The following ZDHHC7 variants were observed in gnomAD, a reference collection of about 807,000 sequenced individuals.
ZDHHC7 encodes zDHHC palmitoyltransferase 7.
In ZDHHC7, 12 loss-of-function variants were observed where a neutral mutation model predicts 34.1. The ratio of observed to expected loss-of-function variants is 0.35; its 90% CI spans 0.23 to 0.57. The LOEUF (loss-of-function observed/expected upper bound fraction) is 0.57. ZDHHC7 is among the 20% of genes least tolerant of loss of function. ZDHHC7 has a pLI of 0.84. For synonymous variants in ZDHHC7, 185 were observed against 155.4 expected (o/e 1.19, Z -1.42); for missense variants, 388 against 402.7 (o/e 0.96, Z 0.31).
At chr16:85,013,985 G>A (rs1049240805), upstream of ZDHHC7, among the ~76,000 whole-genome samples, 1 of 152,282 alleles carries the variant, frequency 6.6e-6, no homozygotes, top group East Asian at 1.9e-4. Context: ...ACTGCACTCA[G>A]CCTAATTTGT....
intron 1 of ZDHHC7, among the ~76,000 whole-genome samples, chr16:85,004,485 C>A (rs2072692628): frequency 6.6e-6 from 1 of 152,092 alleles, no homozygotes; most frequent in Admixed American, 6.5e-5. Context: ...CACTCCCCTC[C>A]CTAAGCTCAT....
At position 84,990,609 on chromosome 16, in the gene ZDHHC7, A is replaced by C; in HGVS notation, c.10T>G (p.Ser4Ala). MQP[S>A]GHRLRDVEHH... Reference sequence around the variant, plus strand: ...TCGACGTCCCGGAGCCTGTGTCCTGATGGCTGCATGATTTCCCTGACGCAC... The same window carrying C: ...TCGACGTCCCGGAGCCTGTGTCCTGCTGGCTGCATGATTTCCCTGACGCAC... The change falls in exon 3 of 8, where the codon TCA becomes GCA. Residue 4 changes from serine (S) to alanine (A), a missense_variant. Coordinates refer to ENST00000313732, the MANE Select transcript of ZDHHC7 (RefSeq NM_017740.3). 1 of 1,613,216 alleles carries C rather than the reference A, an allele frequency of 6.2e-7. No individual in the cohort carries two copies. Among genetic ancestry groups the C allele is most frequent in the Non-Finnish European group, 8.5e-7 (1 of 1,179,490 alleles).
chr16:84,996,857 T>C (rs919972560), intron 1 of ZDHHC7, among the ~76,000 whole-genome samples: 4 of 152,146 alleles, frequency 2.6e-5, no homozygotes, highest in East Asian at 3.9e-4. Context: ...TGAAACCCCG[T>C]CGCTACTAAA....
At position 85,001,470 on chromosome 16, in the gene ZDHHC7, C is replaced by CAAAAAAAAA. The variant is rs71151261; in HGVS notation, c.-103-5472_-103-5464dup. 8.1e-4 allele frequency among the ~76,000 whole-genome samples: 77 copies of CAAAAAAAAA among 95,342 alleles called. No individual in the cohort carries two copies. The South Asian group carries it at 1.0e-2, about 12-fold the overall frequency. The allele number at this position is 95,342 out of a possible 152,430, so 62.5% of individuals were successfully genotyped here. ...TGGGCAAGAGAGCAAGACCCTGTCT[C>CAAAAAAAAA]AAAAAAAAAAAAAATTAAGTAAATG... On this transcript the variant is annotated intron_variant, in intron 1 of 7. Transcript: ENST00000313732.
chr16:85,008,715 A>G (rs927270001), intron 1 of ZDHHC7, among the ~76,000 whole-genome samples: 2 of 151,644 alleles, frequency 1.3e-5, no homozygotes, highest in Non-Finnish European at 2.9e-5. Context: ...AGTGAAAATG[A>G]CAGTTTTGAC....
chr16:85,002,680 T>A (rs1213861351), intron 1 of ZDHHC7, among the ~76,000 whole-genome samples: 1 of 151,550 alleles, frequency 6.6e-6, no homozygotes, highest in African/African-American at 2.4e-5. Flanking sequence ...GCTGAGGAAA[T>A]CTGAATCAAG....
At chr16:85,026,691 G>C in the ZDHHC7 span, among the ~76,000 whole-genome samples, 1 of 151,324 alleles carries the variant, frequency 6.6e-6, no homozygotes, top group Non-Finnish European at 1.5e-5. Flanking sequence ...TGTTTCTCCT[G>C]CATAACTCCC....
intron 3 of ZDHHC7, among the ~76,000 whole-genome samples, chr16:84,983,198 G>C (rs2072393078): frequency 6.6e-6 from 1 of 152,200 alleles, no homozygotes; most frequent in African/African-American, 2.4e-5. Context: ...CAGCAGTCAG[G>C]GCTGCAGTGA....
chr16:85,021,287 C>T, the ZDHHC7 span, among the ~76,000 whole-genome samples: 17 of 151,030 alleles, frequency 1.1e-4, no homozygotes, highest in African/African-American at 4.1e-4. Context: ...TGGCGCACAC[C>T]TTTAGTCCCA....
intron 2 of ZDHHC7, among the ~76,000 whole-genome samples, chr16:84,995,154 C>T (rs980678831): frequency 3.9e-5 from 6 of 152,200 alleles, no homozygotes; most frequent in Admixed American, 6.5e-5. Flanking sequence ...ACACTGGGCA[C>T]TCTCACACAG....
At chr16:85,004,164 T>C (rs2072687932) in intron 1 of ZDHHC7, among the ~76,000 whole-genome samples, 1 of 151,220 alleles carries the variant, frequency 6.6e-6, no homozygotes, top group Non-Finnish European at 1.5e-5. Context: ...CCCCACTCTT[T>C]CCCATCTCAA....
At chr16:84,998,717 A>C (rs941294380) in intron 1 of ZDHHC7, among the ~76,000 whole-genome samples, 1 of 149,388 alleles carries the variant, frequency 6.7e-6, no homozygotes, top group Non-Finnish European at 1.5e-5. Flanking sequence ...CTGGTTCCCC[A>C]ACAGAGCTCC....
chr16:84,990,649 C>A lies in ZDHHC7; in HGVS notation c.-17-14G>T. The A allele has an allele frequency of 1.3e-6, 2 of 1,599,300 alleles. No individual in the cohort carries two copies. The highest frequency in any genetic ancestry group is 1.7e-6 in the Non-Finnish European group (2 of 1,171,940). The stretch of plus-strand genomic sequence containing the variant: ...CCCTGACGCACCCTGGGGAGGGGGA[C>A]GACACAGAGCTGGTAAGGCTCAAAA... On this transcript the variant is annotated splice_polypyrimidine_tract_variant and intron_variant, in intron 2 of 7. Coordinates refer to ENST00000313732, the MANE Select transcript of ZDHHC7 (RefSeq NM_017740.3).
chr16:84,988,770 A>C, intron 3 of ZDHHC7: 1 of 1,551,524 alleles, frequency 6.4e-7, no homozygotes. Context: ...CACAAGCAGG[A>C]GGCTTTGCAC....
chr16:85,025,786 C>T, the ZDHHC7 span, among the ~76,000 whole-genome samples: 2 of 152,202 alleles, frequency 1.3e-5, no homozygotes, highest in African/African-American at 4.8e-5. Context: ...ACCTTCCAGG[C>T]CCAGATATAT....
chr16:84,985,231 C>T (rs2072421289), intron 3 of ZDHHC7, among the ~76,000 whole-genome samples: 1 of 152,242 alleles, frequency 6.6e-6, no homozygotes. Context: ...ATCCCACTTC[C>T]AGTCAGCCCT....
chr16:85,007,806 T>C (rs1001898434), intron 1 of ZDHHC7, among the ~76,000 whole-genome samples: 1 of 152,016 alleles, frequency 6.6e-6, no homozygotes, highest in Non-Finnish European at 1.5e-5. Context: ...GATTTTCAAG[T>C]AGGAAGGGAC....
intron 1 of ZDHHC7, among the ~76,000 whole-genome samples, chr16:85,001,933 T>TAC (rs1213593542): frequency 6.6e-6 from 1 of 151,426 alleles, no homozygotes; most frequent in East Asian, 1.9e-4. Context: ...AAAATAAATA[T>TAC]ATATACAAGA....
chr16:85,021,388 G>C, the ZDHHC7 span, among the ~76,000 whole-genome samples: 2 of 136,160 alleles, frequency 1.5e-5, no homozygotes, highest in African/African-American at 2.9e-5. Context: ...CTCCAGCCTG[G>C]TGACAGAGCG....
Sources: allele counts gnomAD v4.1 joint callset (sites outside exome capture counted in the v4.1 genomes callset), GRCh38; gene constraint gnomAD v4.1.1; transcripts MANE v1.5; gene names NCBI Gene and HGNC (gene_info 2026-07-23, HGNC 2026-07-21).